STS: variants seen among roughly 807,000 people sequenced by gnomAD.
The protein encoded by STS is steroid sulfatase.
STS carries 7 observed loss-of-function variants against 26.8 expected under a neutral mutation model. The ratio of observed to expected loss-of-function variants is 0.26; its 90% CI spans 0.15 to 0.49. STS has a LOEUF of 0.49. STS is among the 20% of genes least tolerant of loss of function. STS has a pLI of 0.98. For synonymous variants in STS, 199 were observed against 189.4 expected (o/e 1.05, Z -0.42); for missense variants, 434 against 465.6 (o/e 0.93, Z 0.63).
chrX:7,211,903 A>G (rs1208941839), intron 2 of STS, among the ~76,000 whole-genome samples: 1 of 109,807 alleles, frequency 9.1e-6, no homozygotes, highest in African/African-American at 3.5e-5. Context: ...TCAGAGCTAC[A>G]TATAAAAGCC....
chrX:7,203,100 T>C, intron 2 of STS, among the ~76,000 whole-genome samples: 1 of 111,113 alleles, frequency 9.0e-6, no homozygotes, highest in Non-Finnish European at 1.9e-5. Context: ...GCTGAGACAC[T>C]CTTCATCTCT....
intron 7 of STS, among the ~76,000 whole-genome samples, chrX:7,279,294 T>A (rs6638668): frequency 0.37 from 27,263 of 72,801 alleles, 3,874 homozygotes; most frequent in Middle Eastern, 0.46. Context: ...AAAAAAAAAA[T>A]ATATATATAT....
intron 2 of STS, among the ~76,000 whole-genome samples, chrX:7,205,457 A>C (rs1218803053): frequency 9.0e-6 from 1 of 111,611 alleles, no homozygotes; most frequent in African/African-American, 3.3e-5. Flanking sequence ...GCTTGGGAGC[A>C]GAGACCTTCA....
At chrX:7,316,441 G>C (rs1271623663) in intron 8 of STS, among the ~76,000 whole-genome samples, 2 of 111,851 alleles carry the variant, frequency 1.8e-5, no homozygotes, top group African/African-American at 3.3e-5. Context: ...CTCATTCCTG[G>C]CTGCTTCTTA....
At chrX:7,347,942 T>G (rs893222602) in intron 10 of STS, among the ~76,000 whole-genome samples, 1 of 111,628 alleles carries the variant, frequency 9.0e-6, no homozygotes, top group Admixed American at 9.5e-5. Context: ...GCTGCCTTTT[T>G]AAACCCTGCT....
chrX:7,266,851 G>T (rs1006255196), intron 6 of STS, among the ~76,000 whole-genome samples: 138 of 112,078 alleles, frequency 1.2e-3, no homozygotes, highest in African/African-American at 4.2e-3. Flanking sequence ...ATGTTCAAGT[G>T]TAATGGACAC....
At chrX:7,325,608 G>A in intron 9 of STS, 110 bp downstream of exon 9, 2 of 938,587 alleles carry the variant, frequency 2.1e-6, no homozygotes, top group Admixed American at 4.5e-5. Context: ...GCCCCCTGGA[G>A]TTTTCCTGAA....
At chrX:7,328,988 G>A (rs970977908) in intron 9 of STS, among the ~76,000 whole-genome samples, 9 of 111,637 alleles carry the variant, frequency 8.1e-5, no homozygotes, top group African/African-American at 2.6e-4. Flanking sequence ...GAGCCACGAC[G>A]CCCGGCCAGT....
chrX:7,280,042 T>C (rs1924784174), intron 7 of STS, among the ~76,000 whole-genome samples: 1 of 111,995 alleles, frequency 8.9e-6, no homozygotes, highest in African/African-American at 3.2e-5. Context: ...ACTTTGTTTC[T>C]TTTCTTTCCA....
intron 7 of STS, among the ~76,000 whole-genome samples, chrX:7,287,828 T>C (rs1321479310): frequency 9.0e-6 from 1 of 110,763 alleles, no homozygotes; most frequent in African/African-American, 3.3e-5. Flanking sequence ...TTTGCTTTCA[T>C]TTGATATTGC....
At position 7,224,458 on chromosome X, in the gene STS, G is replaced by T. The variant is rs766689163; in HGVS notation, c.-4-28738G>T. On this transcript the variant is annotated intron_variant, in intron 2 of 10. Transcript: ENST00000674429. ...TTTAATTCTAACCCCCAAGATGATGGTATTTGGATGAGGGGCCTTTGGAAT... is the reference window on the plus strand; with the variant it reads ...TTTAATTCTAACCCCCAAGATGATGTTATTTGGATGAGGGGCCTTTGGAAT... Among the ~76,000 whole-genome samples, 5 of 110,911 alleles carry T rather than the reference G, an allele frequency of 4.5e-5. No individual in the cohort carries two copies. The East Asian group carries it at 1.4e-3, about 32-fold the overall frequency.
rs949482128 is a variant in STS at position 7,232,869 on chromosome X, G to A, written c.-4-20327G>A. Among the ~76,000 whole-genome samples, 3 of 111,011 alleles carry A rather than the reference G, an allele frequency of 2.7e-5. 1 individual carries two copies. The highest frequency in any genetic ancestry group is 9.8e-5 in the African/African-American group (3 of 30,484). On this transcript the variant is annotated intron_variant, in intron 2 of 10. Coordinates refer to ENST00000674429, the MANE Select transcript of STS (RefSeq NM_001320752.2). ...GTGGTCCCCCCATGCTGTTCTCATC[G>A]TAGTGACTGAGTTCTCACAAGATCT...
chrX:7,266,945 C>T (rs1255055335), intron 6 of STS, among the ~76,000 whole-genome samples: 4 of 112,197 alleles, frequency 3.6e-5, no homozygotes, highest in Non-Finnish European at 7.5e-5. Context: ...GCTTCCTTCA[C>T]ACCACATAAC....
At chrX:7,189,700 A>G (rs1933838085) in intron 1 of STS, among the ~76,000 whole-genome samples, 2 of 112,381 alleles carry the variant, frequency 1.8e-5, no homozygotes, top group Admixed American at 1.9e-4. Flanking sequence ...TGCTGTGGTG[A>G]ACAAATGAGA....
intron 7 of STS, among the ~76,000 whole-genome samples, chrX:7,302,415 G>A (rs1409756570): frequency 8.9e-6 from 1 of 111,733 alleles, no homozygotes; most frequent in African/African-American, 3.3e-5. Context: ...GAGAGCACAG[G>A]TGGTTTGCTT....
intron 5 of STS, among the ~76,000 whole-genome samples, chrX:7,258,779 C>T (rs1923571839): frequency 9.0e-6 from 1 of 111,185 alleles, no homozygotes; most frequent in Non-Finnish European, 1.9e-5. Context: ...GTGATTTCCT[C>T]ATGCCTCAGG....
rs1372571730 is a variant in STS at position 7,300,814 on chromosome X, G to T, written c.944-4232G>T. 2.7e-5 allele frequency among the ~76,000 whole-genome samples: 3 copies of T among 111,472 alleles called. No homozygotes were observed. In the East Asian group the frequency reaches 8.5e-4, roughly 31 times the overall value. The stretch of plus-strand genomic sequence containing the variant: ...TTGATGAGGACATGTTAAATATCAT[G>T]GTCATTTGAAATATTGGAATTTGGA... On this transcript the variant is annotated intron_variant, in intron 7 of 10. Transcript: ENST00000674429.
intron 7 of STS, among the ~76,000 whole-genome samples, chrX:7,280,892 A>G (rs1454753495): frequency 2.7e-5 from 3 of 112,987 alleles, no homozygotes; most frequent in South Asian, 7.3e-4. Flanking sequence ...CTGGCTTCCA[A>G]TCAAAGCTTC....
At chrX:7,163,588 A>G (rs186735954) in intron 1 of STS, among the ~76,000 whole-genome samples, 1 of 112,456 alleles carries the variant, frequency 8.9e-6, no homozygotes. Context: ...TGGCTTTTCC[A>G]GTACCTGACT....
Sources: gnomAD v4.1 joint callset for allele counts (sites outside exome capture counted in the v4.1 genomes callset) on GRCh38, gnomAD v4.1.1 for gene constraint, MANE v1.5 for transcripts, NCBI Gene and HGNC (gene_info 2026-07-23, HGNC 2026-07-21) for gene names.